Variants in PARD3B observed in about 807,000 individuals in gnomAD.
PARD3B encodes partitioning defective 3 homolog B.
A neutral mutation model predicts 130.2 loss-of-function variants in PARD3B; 103 were observed. That is an observed-to-expected ratio of 0.79 (90% confidence interval 0.67 to 0.93). PARD3B has a LOEUF of 0.93. Ranked by LOEUF, PARD3B falls within the 40% of genes least tolerant of loss-of-function variation. The pLI, the probability that PARD3B is intolerant of heterozygous loss-of-function variation, is 0.00. For synonymous variants in PARD3B, 583 were observed against 553.2 expected (o/e 1.05, Z -0.76); for missense variants, 1,609 against 1,499.2 (o/e 1.07, Z -1.21).
intron 3 of PARD3B, among the ~76,000 whole-genome samples, chr2:204,999,696 A>T (rs1184010769): frequency 6.6e-6 from 1 of 152,192 alleles, no homozygotes; most frequent in Non-Finnish European, 1.5e-5. Context: ...GCCTATTGGA[A>T]CTGGAGTACT....
intron 3 of PARD3B, among the ~76,000 whole-genome samples, chr2:204,975,641 T>C (rs970183100): frequency 1.3e-5 from 2 of 152,240 alleles, no homozygotes; most frequent in Admixed American, 6.5e-5. Flanking sequence ...TGGAAACCCA[T>C]TGATGATCTT....
chr2:205,465,576 T>C (rs1327492967), intron 20 of PARD3B, among the ~76,000 whole-genome samples: 1 of 152,242 alleles, frequency 6.6e-6, no homozygotes, highest in East Asian at 1.9e-4. Flanking sequence ...TGATGAATAA[T>C]AGTCCCCAGG....
At chr2:204,982,720 C>A (rs1461563530) in intron 3 of PARD3B, among the ~76,000 whole-genome samples, 2 of 152,186 alleles carry the variant, frequency 1.3e-5, no homozygotes, top group Non-Finnish European at 2.9e-5. Flanking sequence ...GAGTAAGGAA[C>A]TGTAACATTG....
intron 21 of PARD3B, among the ~76,000 whole-genome samples, chr2:205,511,233 A>G (rs894543829): frequency 4.6e-5 from 7 of 152,330 alleles, no homozygotes; most frequent in African/African-American, 1.7e-4. Context: ...TCTAAATGAA[A>G]TCATTCTTTT....
At chr2:204,962,392 C>T (rs1206922191) in intron 2 of PARD3B, among the ~76,000 whole-genome samples, 1 of 152,108 alleles carries the variant, frequency 6.6e-6, no homozygotes, top group Non-Finnish European at 1.5e-5. Flanking sequence ...TACAAGTTTA[C>T]TCTAAGCGAA....
intron 11 of PARD3B, among the ~76,000 whole-genome samples, chr2:205,165,144 A>G (rs917131529): frequency 5.3e-5 from 8 of 152,178 alleles, no homozygotes; most frequent in African/African-American, 1.9e-4. Context: ...ATGCTTTAAC[A>G]AGCTTCTTTT....
chr2:204,951,906 G>A (rs1383414044), intron 2 of PARD3B, among the ~76,000 whole-genome samples: 10 of 152,154 alleles, frequency 6.6e-5, no homozygotes, highest in African/African-American at 1.9e-4. Context: ...ACTGTCACTG[G>A]TCAGATCCTT....
intron 18 of PARD3B, among the ~76,000 whole-genome samples, chr2:205,318,973 C>T (rs2042653626): frequency 6.6e-6 from 1 of 152,144 alleles, no homozygotes; most frequent in Non-Finnish European, 1.5e-5. Context: ...CACATCTTAC[C>T]ATTTTTGTGT....
intron 20 of PARD3B, among the ~76,000 whole-genome samples, chr2:205,488,053 T>A (rs1383575438): frequency 6.6e-6 from 1 of 152,228 alleles, no homozygotes; most frequent in East Asian, 1.9e-4. Flanking sequence ...AATATTTTGC[T>A]AATTTTGTTT....
chr2:205,138,890 G>A (rs1048220803), intron 10 of PARD3B, among the ~76,000 whole-genome samples: 5 of 152,260 alleles, frequency 3.3e-5, no homozygotes, highest in East Asian at 1.9e-4. Context: ...CCATGGCAAC[G>A]CTTGTTGCCA....
At chr2:205,080,430 A>G (rs1701333621) in intron 4 of PARD3B, among the ~76,000 whole-genome samples, 1 of 151,998 alleles carries the variant, frequency 6.6e-6, no homozygotes, top group South Asian at 2.1e-4. Flanking sequence ...TGATTTACCC[A>G]CCCTGGCCAA....
At chr2:205,559,679 A>AC (rs1193894711) in intron 22 of PARD3B, among the ~76,000 whole-genome samples, 83 of 142,262 alleles carry the variant, frequency 5.8e-4, no homozygotes, top group Admixed American at 5.8e-3. Flanking sequence ...GCTCACCGCA[A>AC]CTTCCGCCTC....
chr2:204,632,237 T>C (rs896758435), intron 1 of PARD3B, among the ~76,000 whole-genome samples: 10 of 152,180 alleles, frequency 6.6e-5, no homozygotes, highest in Admixed American at 5.2e-4. Flanking sequence ...CCCTTTTGCC[T>C]TCTGCCATGA....
At chr2:204,649,127 A>G (rs1218459271) in intron 1 of PARD3B, among the ~76,000 whole-genome samples, 1 of 147,480 alleles carries the variant, frequency 6.8e-6, no homozygotes, top group Non-Finnish European at 1.5e-5. Context: ...ATCATTGTCT[A>G]CAGTTCTTGC....
At chr2:205,526,506 TAAGCAC>T (rs1201795012) in intron 21 of PARD3B, among the ~76,000 whole-genome samples, 3 of 152,146 alleles carry the variant, frequency 2.0e-5, no homozygotes, top group Non-Finnish European at 2.9e-5. Context: ...CTCAGTAACA[TAAGCAC>T]AACTCTAACT....
At position 205,397,465 on chromosome 2, in the gene PARD3B, A is replaced by C. The variant is rs913930378; in HGVS notation, c.2631-3548A>C. Among the ~76,000 whole-genome samples the C allele has an allele frequency of 3.3e-5, 5 of 152,204 alleles. No homozygotes were observed. The South Asian group carries it at 1.0e-3, about 31-fold the overall frequency. ...AAACATATTCCACTGTGAGGGAAGG[A>C]TAATGAGCTATTGCTGAACTGCAGT... On this transcript the variant is annotated intron_variant, in intron 18 of 22. Transcript: ENST00000406610. This position sits in a 1 kb window ranked among gnomAD's most constrained non-coding sequence, Gnocchi z 4.8.
intron 2 of PARD3B, among the ~76,000 whole-genome samples, chr2:204,833,700 C>CCT (rs1235213574): frequency 1.3e-5 from 2 of 152,054 alleles, no homozygotes; most frequent in Admixed American, 1.3e-4. Flanking sequence ...ATGCCTTTTG[C>CCT]CTTCCGCCAT....
At chr2:205,046,798 T>G (rs185901898) in intron 3 of PARD3B, among the ~76,000 whole-genome samples, 30 of 152,314 alleles carry the variant, frequency 2.0e-4, no homozygotes, top group Admixed American at 9.2e-4. Context: ...TTTTGAGATG[T>G]TTCTCTGTAG....
At chr2:205,124,941 A>G (rs2031208796) in intron 9 of PARD3B, among the ~76,000 whole-genome samples, 1 of 152,176 alleles carries the variant, frequency 6.6e-6, no homozygotes, top group Non-Finnish European at 1.5e-5. Flanking sequence ...TTGCAGAGAG[A>G]TATATTTGGG....
Sources: allele counts gnomAD v4.1 joint callset (sites outside exome capture counted in the v4.1 genomes callset), GRCh38; gene constraint gnomAD v4.1.1; non-coding constraint Gnocchi (gnomAD v3.1); transcripts MANE v1.5; gene names NCBI Gene and HGNC (gene_info 2026-07-23, HGNC 2026-07-21).